Variants in THSD7A observed in about 807,000 individuals in gnomAD.
THSD7A encodes thrombospondin type-1 domain-containing protein 7A.
Under a neutral mutation model 231.3 loss-of-function variants are expected in THSD7A, and 96 were observed. The observed-to-expected ratio is 0.41, with a 90% confidence interval of 0.35 to 0.49. The LOEUF (loss-of-function observed/expected upper bound fraction) is 0.49, where lower values mean the gene tolerates loss of function less well. THSD7A is among the 20% of genes least tolerant of loss of function. THSD7A has a pLI of 0.05. For synonymous variants in THSD7A, 940 were observed against 743.3 expected (o/e 1.26, Z -4.30); for missense variants, 2,290 against 2,070.2 (o/e 1.11, Z -2.06).
intron 1 of THSD7A, among the ~76,000 whole-genome samples, chr7:11,749,664 G>A (rs778207510): frequency 3.9e-5 from 6 of 152,054 alleles, no homozygotes; most frequent in Admixed American, 6.6e-5. Flanking sequence ...ATAGGTGGTC[G>A]TGATAAGTCC....
intron 23 of THSD7A, among the ~76,000 whole-genome samples, chr7:11,399,099 G>A (rs963586591): frequency 6.6e-6 from 1 of 152,156 alleles, no homozygotes; most frequent in African/African-American, 2.4e-5. Flanking sequence ...TTTCCCACCA[G>A]CCTGATCAAA....
intron 6 of THSD7A, among the ~76,000 whole-genome samples, chr7:11,502,513 A>C (rs2128310763): frequency 6.6e-6 from 1 of 152,360 alleles, no homozygotes; most frequent in African/African-American, 2.4e-5. Flanking sequence ...TTCATCATAT[A>C]AACAGAACTA....
At chr7:11,647,325 C>T (rs889038165) in intron 1 of THSD7A, among the ~76,000 whole-genome samples, 5 of 151,988 alleles carry the variant, frequency 3.3e-5, no homozygotes, top group African/African-American at 7.2e-5. Context: ...CTCAGGGGAA[C>T]GATGGAGAGA....
At chr7:11,500,308 G>C (rs1225854823) in intron 6 of THSD7A, among the ~76,000 whole-genome samples, 2 of 152,114 alleles carry the variant, frequency 1.3e-5, no homozygotes, top group Non-Finnish European at 2.9e-5. Flanking sequence ...AAGAGATCTT[G>C]AAAGGAGCAC....
At chr7:11,604,564 T>G (rs1362983956) in intron 2 of THSD7A, among the ~76,000 whole-genome samples, 1 of 152,068 alleles carries the variant, frequency 6.6e-6, no homozygotes, top group Non-Finnish European at 1.5e-5. Flanking sequence ...CCAGATTTAA[T>G]GAGATATGAT....
intron 4 of THSD7A, among the ~76,000 whole-genome samples, chr7:11,559,506 CATATATATAAATCCATATAT>C (rs1358011323): frequency 6.8e-5 from 3 of 43,878 alleles, no homozygotes; most frequent in Admixed American, 3.7e-4. Flanking sequence ...CATACATATA[CATATATATAAATCCATATAT>C]ATATATATAA....
At chr7:11,542,260 C>T (rs1010978482) in intron 5 of THSD7A, among the ~76,000 whole-genome samples, 3 of 152,114 alleles carry the variant, frequency 2.0e-5, no homozygotes, top group Non-Finnish European at 4.4e-5. Flanking sequence ...CTAAATGCTG[C>T]CCTTCATGAG....
At chr7:11,778,250 A>G (rs1368048394) in intron 1 of THSD7A, among the ~76,000 whole-genome samples, 1 of 151,464 alleles carries the variant, frequency 6.6e-6, no homozygotes, top group Non-Finnish European at 1.5e-5. Context: ...GCTTTGGAAG[A>G]CATATTTCAC....
intron 6 of THSD7A, among the ~76,000 whole-genome samples, chr7:11,516,097 T>C (rs1788019666): frequency 6.6e-6 from 1 of 151,946 alleles, no homozygotes; most frequent in South Asian, 2.1e-4. Context: ...TAGGAGCTAT[T>C]ATTTGTGTGC....
chr7:11,403,188 T>C (rs1452565743), intron 22 of THSD7A, among the ~76,000 whole-genome samples: 1 of 152,188 alleles, frequency 6.6e-6, no homozygotes, highest in Non-Finnish European at 1.5e-5. Context: ...GTCATATGAA[T>C]AATTCATATT....
intron 1 of THSD7A, among the ~76,000 whole-genome samples, chr7:11,761,333 G>A (rs1418120282): frequency 1.3e-5 from 2 of 152,036 alleles, no homozygotes; most frequent in Non-Finnish European, 2.9e-5. Context: ...TACATATCAT[G>A]TCATCCACCA....
chr7:11,422,694 C>T (rs1784190253), intron 16 of THSD7A, among the ~76,000 whole-genome samples: 1 of 151,710 alleles, frequency 6.6e-6, no homozygotes, highest in Admixed American at 6.6e-5. Flanking sequence ...CGCTATGTGG[C>T]CAGGCTGGAG....
chr7:11,519,487 T>C (rs1788174031), intron 6 of THSD7A, among the ~76,000 whole-genome samples: 1 of 152,228 alleles, frequency 6.6e-6, no homozygotes, highest in Non-Finnish European at 1.5e-5. Context: ...CGCTAGGTAC[T>C]GGCACACTGT....
intron 1 of THSD7A, among the ~76,000 whole-genome samples, chr7:11,648,476 C>T (rs944670259): frequency 1.3e-5 from 2 of 151,870 alleles, no homozygotes; most frequent in Non-Finnish European, 2.9e-5. Context: ...CCCCAATGCT[C>T]CGTTTCTGTT....
chr7:11,604,567 G>C (rs1420444150), intron 2 of THSD7A, among the ~76,000 whole-genome samples: 1 of 151,778 alleles, frequency 6.6e-6, no homozygotes, highest in East Asian at 1.9e-4. Flanking sequence ...GATTTAATGA[G>C]ATATGATTTA....
intron 1 of THSD7A, among the ~76,000 whole-genome samples, chr7:11,661,526 A>T (rs74315813): frequency 0.066 from 9,959 of 151,268 alleles, 389 homozygotes; most frequent in East Asian, 0.14. Context: ...ATGCAAAAAA[A>T]AGCAAAAAAA....
chr7:11,532,135 AG>A (rs1788733872), intron 6 of THSD7A, among the ~76,000 whole-genome samples: 1 of 151,800 alleles, frequency 6.6e-6, no homozygotes. Flanking sequence ...GGAACATGAG[AG>A]GACACCTGGA....
chr7:11,591,584 C>A (rs1347412309), intron 3 of THSD7A, among the ~76,000 whole-genome samples: 4 of 152,152 alleles, frequency 2.6e-5, no homozygotes, highest in Non-Finnish European at 5.9e-5. Flanking sequence ...AATCTAGATG[C>A]TTCACTCTGT....
chr7:11,444,521 A>G lies in THSD7A; in HGVS notation c.3064+1540T>C, dbSNP rs1784900599. On this transcript the variant is annotated intron_variant, in intron 13 of 27. Coordinates refer to ENST00000423059, the MANE Select transcript of THSD7A (RefSeq NM_015204.3). The surrounding 1 kb of genome is among the most constrained non-coding windows in gnomAD (Gnocchi z 4.2). ...ACAAGAACAGAAAACCAAACTCTGC[A>G]TGTTCTCACTCAAAAGTGAAAGTTG... Among the ~76,000 whole-genome samples, 1 of 152,178 alleles carries G rather than the reference A, an allele frequency of 6.6e-6. No homozygotes were observed. Among genetic ancestry groups the G allele is most frequent in the East Asian group, 1.9e-4 (1 of 5,170 alleles).
Sources: allele counts gnomAD v4.1 joint callset (sites outside exome capture counted in the v4.1 genomes callset), GRCh38; gene constraint gnomAD v4.1.1; non-coding constraint Gnocchi (gnomAD v3.1); transcripts MANE v1.5; gene names NCBI Gene and HGNC (gene_info 2026-07-23, HGNC 2026-07-21).